SEC22C: variants seen among roughly 807,000 people sequenced by gnomAD.
SEC22C encodes vesicle-trafficking protein SEC22c.
A neutral mutation model predicts 34.7 loss-of-function variants in SEC22C; 29 were observed. The ratio of observed to expected loss-of-function variants is 0.84; its 90% confidence interval spans 0.62 to 1.14. The LOEUF (loss-of-function observed/expected upper bound fraction) is 1.14. SEC22C is among the 50% of genes most tolerant of loss of function. The pLI, the probability that SEC22C is intolerant of heterozygous loss-of-function variation, is 0.00. For missense variants in SEC22C, 337 were observed against 369.0 expected, an observed-to-expected ratio of 0.91 and a Z score of 0.71; for synonymous variants, 117 against 132.8, an observed-to-expected ratio of 0.88 and a Z score of 0.82.
intron 1 of SEC22C, chr3:42,590,903 G>T: frequency 1.2e-6 from 2 of 1,613,886 alleles, no homozygotes; most frequent in Non-Finnish European, 8.5e-7. Flanking sequence ...TCGGGATGTC[G>T]GTGGCCTTCG....
At chr3:42,568,107 T>G (rs1169085924) in intron 2 of SEC22C, among the ~76,000 whole-genome samples, 1 of 151,256 alleles carries the variant, frequency 6.6e-6, no homozygotes, top group Non-Finnish European at 1.5e-5. Flanking sequence ...AAGTGAAAAA[T>G]TAAAACATAA....
chr3:42,563,432 T>C, intron 3 of SEC22C, 91 bp downstream of exon 3: 1 of 1,107,706 alleles, frequency 9.0e-7, no homozygotes, highest in South Asian at 1.5e-5. Context: ...TCCAGTGGTT[T>C]TCCTTGATGG....
chr3:42,597,821 C>T (rs1164409157), intron 1 of SEC22C, among the ~76,000 whole-genome samples: 1 of 152,140 alleles, frequency 6.6e-6, no homozygotes, highest in East Asian at 1.9e-4. Flanking sequence ...GATTGGACAC[C>T]CAATCTAAGT....
chr3:42,568,998 G>A lies in SEC22C; in HGVS notation c.49C>T (p.Pro17Ser), dbSNP rs747718408. Residue 17 changes from proline to serine, a missense_variant, in exon 2 of 7, where the codon CCC becomes TCC. By Grantham distance (74) the Pro-to-Ser change is moderately conservative. Transcript: ENST00000264454. ...ACVVRVRDGLPLSASTDFYHT... is the reference protein window; with the variant it reads ...ACVVRVRDGLSLSASTDFYHT... ...TAAAAATCAGTAGAGGCTGAGAGGGGCAGTCCATCCCTTACCCGTACCACG... is the reference window on the plus strand; with the variant it reads ...TAAAAATCAGTAGAGGCTGAGAGGGACAGTCCATCCCTTACCCGTACCACG... 35 of 1,613,932 alleles carry A rather than the reference G, an allele frequency of 2.2e-5. No homozygotes were observed. The highest frequency in any genetic ancestry group is 8.0e-5 in the African/African-American group (6 of 74,890).
chr3:42,600,939 C>CGCCCTCGCCCCT (rs1238129925), intron 1 of SEC22C: 51 of 1,254,826 alleles, frequency 4.1e-5, no homozygotes, highest in East Asian at 6.2e-5. Flanking sequence ...CCCTCGCCCC[C>CGCCCTCGCCCCT]GCCCTCGCCC....
At chr3:42,584,794 G>C (rs1704557549), upstream of SEC22C, among the ~76,000 whole-genome samples, 1 of 152,142 alleles carries the variant, frequency 6.6e-6, no homozygotes, top group African/African-American at 2.4e-5. Context: ...GGAGATTCAG[G>C]GTTGGTAAAG....
intron 5 of SEC22C, 143 bp from the exon 6 acceptor site, chr3:42,556,138 T>G: frequency 1.5e-6 from 1 of 646,598 alleles, no homozygotes; most frequent in Non-Finnish European, 2.8e-6. Flanking sequence ...TTCCTGTTTA[T>G]GCACCAGATC....
At chr3:42,565,385 G>A (rs1217111668) in intron 2 of SEC22C, among the ~76,000 whole-genome samples, 1 of 152,108 alleles carries the variant, frequency 6.6e-6, no homozygotes, top group Non-Finnish European at 1.5e-5. Context: ...CCTCCTTATG[G>A]AAGAAATCCT....
intron 1 of SEC22C, among the ~76,000 whole-genome samples, chr3:42,591,784 A>G (rs1704857417): frequency 6.6e-6 from 1 of 152,200 alleles, no homozygotes; most frequent in African/African-American, 2.4e-5. Context: ...TACACTGCGG[A>G]GCCTGGAGTC....
chr3:42,594,169 A>T (rs895689625), intron 1 of SEC22C, among the ~76,000 whole-genome samples: 6 of 152,266 alleles, frequency 3.9e-5, no homozygotes, highest in Admixed American at 3.9e-4. Context: ...GTGCGCAAAG[A>T]TAGATCTGGG....
rs545723888 is a variant in SEC22C, at chr3:42,549,927, C to T, written c.*3321G>A. On this transcript the variant is annotated 3_prime_UTR_variant, in exon 7 of 7. Coordinates refer to ENST00000264454, the MANE Select transcript of SEC22C (RefSeq NM_032970.4). ...ATGGTCACATGCCTCCAGCTGCAGGCAGTGGGGCCTCTGGTACTGAGAGGG... is the reference window on the plus strand; with the variant it reads ...ATGGTCACATGCCTCCAGCTGCAGGTAGTGGGGCCTCTGGTACTGAGAGGG... 1 of 985,472 alleles carries T rather than the reference C, an allele frequency of 1.0e-6. No homozygotes were observed. Among genetic ancestry groups the T allele is most frequent in the African/African-American group, 1.7e-5 (1 of 57,370 alleles). 61.0% of individuals were successfully genotyped at this position (985,472 alleles called of 1,614,324 possible).
intron 4 of SEC22C, among the ~76,000 whole-genome samples, chr3:42,560,114 CTCTCTCTATATA>C (rs1317087460): frequency 2.6e-4 from 30 of 114,596 alleles, no homozygotes; most frequent in Admixed American, 5.0e-4. Context: ...CTCTCTCTCT[CTCTCTCTATATA>C]TATATATATA....
At chr3:42,591,593 G>C in intron 1 of SEC22C, 2 of 1,612,776 alleles carry the variant, frequency 1.2e-6, no homozygotes, top group Non-Finnish European at 1.7e-6. Flanking sequence ...GCGGGAACGA[G>C]TGCGTGCAGT....
intron 6 of SEC22C, among the ~76,000 whole-genome samples, 194 bp from the exon 7 acceptor site, chr3:42,553,642 G>A (rs1337047980): frequency 6.6e-6 from 1 of 152,198 alleles, no homozygotes; most frequent in Non-Finnish European, 1.5e-5. Flanking sequence ...GGATTTGGAA[G>A]ATTAAAGGAA....
chr3:42,597,161 A>C (rs1020534405), intron 1 of SEC22C, among the ~76,000 whole-genome samples: 9 of 152,184 alleles, frequency 5.9e-5, no homozygotes, highest in Admixed American at 1.3e-4. Context: ...CCTCTAATAG[A>C]CACACTGGAC....
chr3:42,559,886 C>T (rs1222507583), intron 4 of SEC22C, among the ~76,000 whole-genome samples: 1 of 151,986 alleles, frequency 6.6e-6, no homozygotes, highest in East Asian at 1.9e-4. Context: ...ACTGTGATCA[C>T]GTTCATTAAG....
chr3:42,589,713 C>T (rs1417619231), intron 1 of SEC22C, among the ~76,000 whole-genome samples: 2 of 152,190 alleles, frequency 1.3e-5, no homozygotes, highest in Non-Finnish European at 2.9e-5. Context: ...AATCTAATGC[C>T]TGCTGATGTG....
At position 42,594,223 on chromosome 3, in the gene SEC22C, A is replaced by G. The variant is rs1577377233; in HGVS notation, c.-28+6737T>C. Among the ~76,000 whole-genome samples, 3 of 152,370 alleles carry G rather than the reference A, an allele frequency of 2.0e-5. No individual in the cohort carries two copies. The Middle Eastern group carries it at 0.01, about 518-fold the overall frequency. On this transcript the variant is annotated intron_variant, in intron 1 of 6. Transcript: ENST00000417572. ...AATAGTTCAAGCAAGAAATGATAGT[A>G]GCTATGAAAGTAATCAGTAAGAATG...
At position 42,588,169 on chromosome 3, in the gene SEC22C, C is replaced by G. The variant is rs184486027; in HGVS notation, c.-28+12791G>C. 4.0e-4 allele frequency among the ~76,000 whole-genome samples: 60 copies of G among 151,270 alleles called. No homozygotes were observed. In the East Asian group the frequency reaches 6.1e-3, roughly 15 times the overall value. On this transcript the variant is annotated intron_variant, in intron 1 of 6. Transcript: ENST00000417572. Reference sequence around the variant, plus strand: ...CTGTAATCCCAGCACTTTGGGAGGCCGAGGCAGACAGATCATGAGGTCAGG... The same window carrying G: ...CTGTAATCCCAGCACTTTGGGAGGCGGAGGCAGACAGATCATGAGGTCAGG...
Sources: allele counts gnomAD v4.1 joint callset (sites outside exome capture counted in the v4.1 genomes callset), GRCh38; gene constraint gnomAD v4.1.1; transcripts MANE v1.5; gene names NCBI Gene and HGNC (gene_info 2026-07-23, HGNC 2026-07-21).